BRD9: variants seen among roughly 807,000 people sequenced by gnomAD.
BRD9 encodes bromodomain-containing protein 9.
BRD9 carries 47 observed loss-of-function variants against 68.7 expected under a neutral mutation model. That is an observed-to-expected ratio of 0.68 (90% CI 0.54 to 0.87). The LOEUF is 0.87. BRD9 is among the 40% of genes least tolerant of loss of function. BRD9 has a pLI of 0.00. For synonymous variants in BRD9, 313 were observed against 293.9 expected, an observed-to-expected ratio of 1.06 and a Z score of -0.67; for missense variants, 670 against 748.4, an observed-to-expected ratio of 0.90 and a Z score of 1.22.
At position 870,479 on chromosome 5, in the gene BRD9, A is replaced by C. The variant is rs761238565; in HGVS notation, c.1519T>G (p.Ser507Ala). The C allele has an allele frequency of 1.9e-6, 3 of 1,613,118 alleles. No homozygotes were observed. The highest frequency in any genetic ancestry group is 1.7e-6 in the Non-Finnish European group (2 of 1,179,062). Residue 507 changes from serine (S) to alanine (A), a missense_variant, in exon 14 of 16, where the codon TCT becomes GCT. By Grantham distance (99) the Ser-to-Ala change is moderately conservative (BLOSUM62 1). Transcript: ENST00000467963. ...DVSVDISMLS[S>A]LGKVKKELDP... ...AGTGCCTGTTACAACTCACCCAGAG[A>C]GCTGAGCATGGAGATATCCACAGAA...
intron 2 of BRD9, 65 bp downstream of exon 2, chr5:891,575 C>G (rs1753407180): frequency 6.6e-7 from 1 of 1,526,508 alleles, no homozygotes; most frequent in South Asian, 1.2e-5. Context: ...TGCCTGGGTC[C>G]TGGGACCAGG....
chr5:888,917 T>C lies in BRD9; in HGVS notation c.606+104A>G, dbSNP rs143457938. On this transcript the variant is annotated intron_variant, in intron 5 of 15. Coordinates refer to ENST00000467963, the MANE Select transcript of BRD9 (RefSeq NM_023924.5). ...CATCATCCGAACACAGAAACACCTG[T>C]GAAAGCTCAAAAACTAGAAATGATC... 505 of 1,252,452 alleles carry C rather than the reference T, an allele frequency of 4.0e-4. 3 individuals carry two copies. In the African/African-American group the frequency reaches 7.0e-3, roughly 17 times the overall value. 77.6% of individuals were successfully genotyped at this position (1,252,452 alleles called of 1,614,324 possible). A position where few individuals can be genotyped will look rare whatever the true frequency, so the allele number is the denominator to read the frequency against.
intron 12 of BRD9, among the ~76,000 whole-genome samples, chr5:872,235 T>G (rs1254139204): frequency 6.6e-6 from 1 of 152,276 alleles, no homozygotes; most frequent in African/African-American, 2.4e-5. Flanking sequence ...ATAATGTTTC[T>G]CAGATTCAAT....
intron 2 of BRD9, 103 bp from the exon 3 acceptor site, chr5:891,390 G>C: frequency 6.9e-7 from 1 of 1,457,624 alleles, no homozygotes; most frequent in Non-Finnish European, 9.1e-7. Flanking sequence ...AGAACTAAGG[G>C]AAACCCCCTC....
chr5:871,493 A>G (rs770204062), intron 13 of BRD9, 33 bp downstream of exon 13: 2 of 1,604,702 alleles, frequency 1.2e-6, no homozygotes, highest in South Asian at 1.1e-5. Flanking sequence ...TGAGAATAAT[A>G]TTTGGCTTGC....
chr5:889,288 G>A (rs1753002305), intron 4 of BRD9, 123 bp from the exon 5 acceptor site: 1 of 1,117,872 alleles, frequency 8.9e-7, no homozygotes, highest in Non-Finnish European at 1.3e-6. Context: ...AAAGTTACGA[G>A]CGTCTTTTAA....
intron 7 of BRD9, among the ~76,000 whole-genome samples, chr5:885,743 G>A (rs1377456075): frequency 1.3e-5 from 2 of 152,232 alleles, no homozygotes; most frequent in South Asian, 2.1e-4. Context: ...CAAGTGACAC[G>A]TGATGAAGCA....
chr5:883,886 C>G, intron 8 of BRD9, 52 bp downstream of exon 8: 1 of 1,586,878 alleles, frequency 6.3e-7, no homozygotes, highest in Non-Finnish European at 8.6e-7. Flanking sequence ...GAGAGGCACA[C>G]AGAGAGTCTG....
At position 892,631 on chromosome 5, in the gene BRD9, C is replaced by T; in HGVS notation, c.27G>A (p.Lys9=). 6.7e-7 allele frequency: 1 copy of T among 1,486,714 alleles called. No homozygotes were observed. Among genetic ancestry groups the T allele is most frequent in the Non-Finnish European group, 8.9e-7 (1 of 1,118,126 alleles). 92.1% of individuals were successfully genotyped at this position (1,486,714 alleles called of 1,614,324 possible). ...CCTCGTAGGACGAGCGCCACTCGGC[C>T]TTGTGCTTCTTGTGCTTCTTGCCCA... MGKKHKKH[K]AEWRSSYEDY... is the part of the protein sequence containing the mutation. The change falls in exon 1 of 16, where the codon AAG becomes AAA. Residue 9 remains lysine, a synonymous_variant. Coordinates refer to ENST00000467963, the MANE Select transcript of BRD9 (RefSeq NM_023924.5).
intron 4 of BRD9, among the ~76,000 whole-genome samples, 189 bp downstream of exon 4, chr5:889,398 C>G (rs1753019860): frequency 6.6e-6 from 1 of 152,188 alleles, no homozygotes; most frequent in Admixed American, 6.5e-5. Flanking sequence ...TCACTCTACT[C>G]TGACTTCAGA....
At chr5:887,337 C>G in intron 6 of BRD9, 24 bp downstream of exon 6, 1 of 1,581,274 alleles carries the variant, frequency 6.3e-7, no homozygotes, top group South Asian at 1.1e-5. Context: ...TTCCGTAGCT[C>G]GCTGCTGCCA....
At chr5:875,814 T>C (rs1750817819) in intron 12 of BRD9, among the ~76,000 whole-genome samples, 1 of 152,196 alleles carries the variant, frequency 6.6e-6, no homozygotes. Context: ...AAATCTGAAC[T>C]ACAGGAAATA....
chr5:890,513 T>A (rs1434271357), intron 3 of BRD9, among the ~76,000 whole-genome samples: 1 of 152,202 alleles, frequency 6.6e-6, no homozygotes, highest in Non-Finnish European at 1.5e-5. Context: ...AGAGGGCAAG[T>A]CCTTGTCAAC....
intron 7 of BRD9, among the ~76,000 whole-genome samples, chr5:885,766 G>A (rs938836646): frequency 1.3e-5 from 2 of 152,260 alleles, no homozygotes; most frequent in Non-Finnish European, 2.9e-5. Flanking sequence ...CTCTGTGCCA[G>A]GCGCTTCTGC....
rs114978401 is a variant in BRD9, at chr5:884,709, T to C, written c.834-639A>G. 9.2e-3 allele frequency among the ~76,000 whole-genome samples: 1,398 copies of C among 152,366 alleles called. 24 individuals carry two copies. Among genetic ancestry groups the C allele is most frequent in the African/African-American group, 0.031 (1,292 of 41,588 alleles). On this transcript the variant is annotated intron_variant, in intron 7 of 15. Transcript: ENST00000467963. ...TGCCTGGGCATGGGTCTGAGTGGCC[T>C]AGGGCCAGGTGCAGGCCCAGGACAA...
intron 14 of BRD9, among the ~76,000 whole-genome samples, chr5:866,911 T>C (rs570368072): frequency 1.3e-5 from 2 of 152,128 alleles, no homozygotes; most frequent in South Asian, 4.1e-4. Context: ...AAAAACCCAT[T>C]TTCTGGGGAG....
chr5:888,069 T>C (rs925508851), intron 5 of BRD9, among the ~76,000 whole-genome samples: 2 of 152,238 alleles, frequency 1.3e-5, no homozygotes, highest in African/African-American at 4.8e-5. Flanking sequence ...GGCTGGAGCA[T>C]GACCCCGGAG....
Position 892,748 on chromosome 5 carries a change from C to G in BRD9, c.-91G>C. 1 of 1,188,406 alleles carries G rather than the reference C, an allele frequency of 8.4e-7. No homozygotes were observed. The highest frequency in any genetic ancestry group is 1.1e-6 in the Non-Finnish European group (1 of 946,818). 73.6% of individuals were successfully genotyped at this position (1,188,406 alleles called of 1,614,324 possible). A position where few individuals can be genotyped will look rare whatever the true frequency, so the allele number is the denominator to read the frequency against. On this transcript the variant is annotated 5_prime_UTR_variant, in exon 1 of 16. Transcript: ENST00000467963. ...GCCACCGCCCCCTGGCCCTGGCTGG[C>G]CGCCCGCGCTCGCTGCGCCGAGGTT... is the stretch of plus-strand genomic sequence containing the variant.
chr5:884,010 G>A lies in BRD9; in HGVS notation c.894C>T (p.His298=), dbSNP rs757810740. The A allele has an allele frequency of 9.5e-5, 153 of 1,613,774 alleles. No individual in the cohort carries two copies. Among genetic ancestry groups the A allele is most frequent in the Non-Finnish European group, 1.2e-4 (143 of 1,180,044 alleles). Residue 298 remains histidine (H), a synonymous_variant, in exon 8 of 16, where the codon CAC becomes CAT. Transcript: ENST00000467963. ...CSLTDSTAEE[H]VLALVEHAAD... ...CTGCGTGCTCCACCAGCGCCAGCAC[G>A]TGCTCCTCTGCGGTACTGTCCGTCA...
Sources: allele counts gnomAD v4.1 joint callset (sites outside exome capture counted in the v4.1 genomes callset), GRCh38; gene constraint gnomAD v4.1.1; transcripts MANE v1.5; gene names NCBI Gene and HGNC (gene_info 2026-07-23, HGNC 2026-07-21).